The following BBS7 variants were observed in gnomAD, a reference collection of about 807,000 sequenced individuals.
BBS7 encodes the protein BBSome complex member BBS7.
Under a neutral mutation model 90.3 loss-of-function variants are expected in BBS7, and 50 were observed. That is an observed-to-expected ratio of 0.55 (90% CI 0.44 to 0.70). The LOEUF is 0.70. Ranked by LOEUF, BBS7 falls within the 30% of genes least tolerant of loss-of-function variation. BBS7 has a pLI of 0.00. For missense variants in BBS7, 729 were observed against 838.9 expected (o/e 0.87, Z 1.62); for synonymous variants, 235 against 287.4 (o/e 0.82, Z 1.85).
Position 121,843,942 on chromosome 4 carries a change from G to A in BBS7, c.1290C>T (p.Ser430=). ...VDKNSAVVSF[S]SCDSESNDNF... ...TTTTACTCACCTCAGAATCACAGCT[G>A]CTAAAGCTAACAACAGCAGAATTTT... Residue 430 remains serine (S), a synonymous_variant, in exon 12 of 19, where the codon AGC becomes AGT. Coordinates refer to ENST00000264499, the MANE Select transcript of BBS7 (RefSeq NM_176824.3). 6.3e-7 allele frequency: 1 copy of A among 1,599,614 alleles called. No individual in the cohort carries two copies. Among genetic ancestry groups the A allele is most frequent in the Non-Finnish European group, 8.5e-7 (1 of 1,170,198 alleles).
chr4:121,853,881 G>C (rs1466291092), intron 7 of BBS7, among the ~76,000 whole-genome samples: 2 of 152,072 alleles, frequency 1.3e-5, no homozygotes, highest in African/African-American at 2.4e-5. Context: ...TCCATCTCCT[G>C]CCATGTTAAC....
intron 15 of BBS7, among the ~76,000 whole-genome samples, chr4:121,829,920 TGCTAGACTTTTAAGTTATGTGA>T: frequency 6.6e-6 from 1 of 152,166 alleles, no homozygotes. Context: ...GGCAGATTAC[TGCTAGACTTTTAAGTTATGTGA>T]GCCGATAAAT....
chr4:121,855,523 G>A lies in BBS7; in HGVS notation c.567C>T (p.Pro189=), dbSNP rs567185907. ...DVMYAVEVPG[P]PTVLALHNGN... ...CATTGTGTAGTGCTAAGACAGTAGG[G>A]GGTCCAGGAACTTCAACTGCATACA... The change falls in exon 6 of 19, where the codon CCC becomes CCT. Residue 189 remains proline, a synonymous_variant. Transcript: ENST00000264499. 123 of 1,613,620 alleles carry A rather than the reference G, an allele frequency of 7.6e-5. 1 individual carries two copies. The South Asian group carries it at 1.3e-3, about 16-fold the overall frequency.
Position 121,828,521 on chromosome 4 carries a change from C to T in BBS7, c.1787-16G>A. ...TCATTTATCTCTAGAAGGAGTTGAC[C>T]AGATGCAGTTAGATAAATCACTTTG... On this transcript the variant is annotated splice_polypyrimidine_tract_variant and intron_variant, in intron 16 of 18. Coordinates refer to ENST00000264499, the MANE Select transcript of BBS7 (RefSeq NM_176824.3). 1.3e-6 allele frequency: 2 copies of T among 1,593,378 alleles called. No homozygotes were observed. The highest frequency in any genetic ancestry group is 1.7e-6 in the Non-Finnish European group (2 of 1,161,318).
At chr4:121,854,984 A>G (rs1005779063) in intron 6 of BBS7, among the ~76,000 whole-genome samples, 164 bp from the exon 7 acceptor site, 8 of 152,208 alleles carry the variant, frequency 5.3e-5, no homozygotes, top group Admixed American at 2.6e-4. Flanking sequence ...TATAGCTATA[A>G]GAGATAAGAC....
At chr4:121,834,347 T>G (rs1725340185) in intron 14 of BBS7, among the ~76,000 whole-genome samples, 1 of 152,208 alleles carries the variant, frequency 6.6e-6, no homozygotes, top group Non-Finnish European at 1.5e-5. Flanking sequence ...CAACCTTGAC[T>G]TTTAAGCAAG....
chr4:121,840,133 G>C (rs113427941), intron 12 of BBS7, among the ~76,000 whole-genome samples: 16 of 152,190 alleles, frequency 1.1e-4, no homozygotes, highest in African/African-American at 3.9e-4. Flanking sequence ...GAGGGACTCA[G>C]TGGGAGATAA....
Position 121,839,683 on chromosome 4 carries a change from A to T in BBS7, c.1319T>A (p.Phe440Tyr). The stretch of plus-strand genomic sequence containing the variant: ...CTGGCACCGATAAGTGGCAAGAAGG[A>T]AGTTGTCGTTTGACTGGGAAGAATA... The part of the protein sequence containing the change: ...SSCDSESNDN[F>Y]LLATYRCQAD... Residue 440 changes from phenylalanine (F) to tyrosine (Y), a missense_variant, in exon 13 of 19, where the codon TTC becomes TAC. Transcript: ENST00000264499. 6.2e-7 allele frequency: 1 copy of T among 1,613,836 alleles called. No homozygotes were observed. The highest frequency in any genetic ancestry group is 8.5e-7 in the Non-Finnish European group (1 of 1,179,798).
At chr4:121,838,126 G>A (rs921874961) in intron 13 of BBS7, among the ~76,000 whole-genome samples, 1 of 151,200 alleles carries the variant, frequency 6.6e-6, no homozygotes, top group Non-Finnish European at 1.5e-5. Context: ...GAGAAACATT[G>A]CTTTTAATCA....
At chr4:121,867,831 T>G in intron 2 of BBS7, 150 bp downstream of exon 2, 1 of 716,632 alleles carries the variant, frequency 1.4e-6, no homozygotes. Flanking sequence ...AAATGTCCCT[T>G]GGTATTCCAG....
At chr4:121,844,579 T>A (rs1725911439) in intron 11 of BBS7, among the ~76,000 whole-genome samples, 1 of 152,064 alleles carries the variant, frequency 6.6e-6, no homozygotes, top group Admixed American at 6.6e-5. Context: ...TTTTTAAACC[T>A]TTTCTTCCTC....
intron 8 of BBS7, 133 bp from the exon 9 acceptor site, chr4:121,849,061 C>A: frequency 6.3e-6 from 4 of 630,062 alleles, no homozygotes; most frequent in South Asian, 1.7e-5. Context: ...TGCAGACACT[C>A]AGATTAGAAA....
rs369319119 is a variant in BBS7 at position 121,848,902 on chromosome 4, G to T, written c.876C>A (p.Ile292=). Residue 292 remains isoleucine, a synonymous_variant, in exon 9 of 19, where the codon ATC becomes ATA. Transcript: ENST00000264499. ...DQMLSESVTS[I]QGGCVGKDSY... The stretch of plus-strand genomic sequence containing the variant: ...TGTCTTTTCCTACACAACCACCCTG[G>T]ATAGATGTGACGCTTTCAGACAACA... 6 of 1,613,706 alleles carry T rather than the reference G, an allele frequency of 3.7e-6. No individual in the cohort carries two copies. The Admixed American group carries it at 5.0e-5, about 13-fold the overall frequency.
intron 6 of BBS7, 146 bp from the exon 7 acceptor site, chr4:121,854,966 C>T (rs1169990691): frequency 1.3e-5 from 10 of 771,262 alleles, no homozygotes; most frequent in Non-Finnish European, 1.9e-5. Context: ...TATATATTCA[C>T]ACAATTTTAT....
intron 4 of BBS7, among the ~76,000 whole-genome samples, chr4:121,859,886 G>A (rs1726886921): frequency 6.6e-6 from 1 of 152,034 alleles, no homozygotes; most frequent in Non-Finnish European, 1.5e-5. Context: ...TTCTTAGACT[G>A]AACTGAGTTT....
At chr4:121,865,698 TATG>T (rs1160363965) in intron 2 of BBS7, among the ~76,000 whole-genome samples, 1 of 152,242 alleles carries the variant, frequency 6.6e-6, no homozygotes, top group African/African-American at 2.4e-5. Context: ...GTCTCTTTGA[TATG>T]ATGATTTCCT....
In BBS7 at chr4:121,844,037, G is replaced by A. The variant is rs1725875292; in HGVS notation, c.1231-36C>T. The stretch of plus-strand genomic sequence containing the variant: ...TATTAAAAAAAAAGAAGGTTGAGAT[G>A]GAAAACCTAAAAATGTTCATAAATT... On this transcript the variant is annotated intron_variant, in intron 11 of 18. Coordinates refer to ENST00000264499, the MANE Select transcript of BBS7 (RefSeq NM_176824.3). The A allele has an allele frequency of 2.3e-6, 3 of 1,310,568 alleles. No individual in the cohort carries two copies. In the African/African-American group the frequency reaches 4.4e-5, roughly 19 times the overall value. 81.2% of individuals were successfully genotyped at this position (1,310,568 alleles called of 1,614,324 possible).
chr4:121,869,219 T>G (rs1286932991), intron 1 of BBS7, among the ~76,000 whole-genome samples: 1 of 152,176 alleles, frequency 6.6e-6, no homozygotes, highest in East Asian at 1.9e-4. Context: ...GAAAATTGAC[T>G]GGGCAAACAT....
At chr4:121,832,239 G>A (rs1289936125) in intron 15 of BBS7, among the ~76,000 whole-genome samples, 2 of 152,082 alleles carry the variant, frequency 1.3e-5, no homozygotes, top group Admixed American at 6.6e-5. Context: ...TACTCAGGAG[G>A]CTGAGGTGGG....
Sources: allele counts gnomAD v4.1 joint callset (sites outside exome capture counted in the v4.1 genomes callset), GRCh38; gene constraint gnomAD v4.1.1; transcripts MANE v1.5; gene names NCBI Gene and HGNC (gene_info 2026-07-23, HGNC 2026-07-21).